Variants in ASXL1 observed in about 807,000 individuals in gnomAD.
ASXL1 encodes polycomb group protein ASXL1.
In ASXL1, 65 loss-of-function variants were observed where a neutral mutation model predicts 89.1. The observed-to-expected ratio is 0.73, with a 90% CI of 0.60 to 0.90. ASXL1 has a LOEUF of 0.90. Ranked by LOEUF, ASXL1 falls within the 40% of genes least tolerant of loss-of-function variation. The pLI is 0.00. For missense variants in ASXL1, 1,786 were observed against 1,942.9 expected (o/e 0.92, Z 1.52); for synonymous variants, 739 against 746.9 (o/e 0.99, Z 0.17).
chr20:32,387,891 T>C (rs1415107125), intron 4 of ASXL1, among the ~76,000 whole-genome samples: 2 of 152,244 alleles, frequency 1.3e-5, no homozygotes, highest in Non-Finnish European at 2.9e-5. Context: ...TGTTCCACCC[T>C]TGTGTTGGCT....
chr20:32,392,229 T>A (rs73243268), intron 4 of ASXL1, among the ~76,000 whole-genome samples: 1,530 of 151,894 alleles, frequency 0.01, 20 homozygotes, highest in African/African-American at 0.035. Context: ...GTCATCTCAC[T>A]GCAGTCTCCC....
At position 32,425,805 on chromosome 20, in the gene ASXL1, A is replaced by G. The variant is rs187492165; in HGVS notation, c.253-2323A>G. Among the ~76,000 whole-genome samples the G allele has an allele frequency of 1.2e-4, 19 of 152,056 alleles. No individual in the cohort carries two copies. In the East Asian group the frequency reaches 3.5e-3, roughly 28 times the overall value. ...CACTAACCTCTGCCTCCTTCGTTCAAGTGATTCTCCTGCCTCAGCCTCCCA... is the reference window on the plus strand; with the variant it reads ...CACTAACCTCTGCCTCCTTCGTTCAGGTGATTCTCCTGCCTCAGCCTCCCA... On this transcript the variant is annotated intron_variant, in intron 4 of 12. Coordinates refer to ENST00000375687, the MANE Select transcript of ASXL1 (RefSeq NM_015338.6).
At chr20:32,399,747 CTTTTTTTTTTT>C (rs369127811) in intron 4 of ASXL1, among the ~76,000 whole-genome samples, 6 of 73,888 alleles carry the variant, frequency 8.1e-5, no homozygotes, top group African/African-American at 2.7e-4. Context: ...ATATTTTACT[CTTTTTTTTTTT>C]TTTTTTTTTT....
At chr20:32,397,043 C>A (rs1256010448) in intron 4 of ASXL1, among the ~76,000 whole-genome samples, 3 of 144,980 alleles carry the variant, frequency 2.1e-5, no homozygotes, top group African/African-American at 7.6e-5. Flanking sequence ...TTTTTTTTTC[C>A]CTGTATTTTT....
At chr20:32,374,942 A>C (rs898266696) in intron 4 of ASXL1, among the ~76,000 whole-genome samples, 1 of 152,194 alleles carries the variant, frequency 6.6e-6, no homozygotes, top group Non-Finnish European at 1.5e-5. Flanking sequence ...TCCATTTTCC[A>C]TTACTTAGAA....
intron 1 of ASXL1, chr20:32,359,671 G>A: frequency 1.4e-6 from 1 of 717,786 alleles, no homozygotes; most frequent in South Asian, 1.5e-5. Flanking sequence ...AAGTATCTCT[G>A]TTGGGAGACG....
chr20:32,372,321 C>T (rs1314372257), intron 4 of ASXL1: 1 of 1,189,296 alleles, frequency 8.4e-7, no homozygotes, highest in African/African-American at 1.6e-5. Flanking sequence ...CTCATCTTAA[C>T]TGCCTTTGGC....
chr20:32,386,606 T>C (rs929585488), intron 4 of ASXL1, among the ~76,000 whole-genome samples: 2 of 151,906 alleles, frequency 1.3e-5, no homozygotes, highest in African/African-American at 2.4e-5. Context: ...TTATTAGAGA[T>C]GGGGTTTCGC....
At chr20:32,432,650 G>C in intron 10 of ASXL1, 1 of 494,110 alleles carries the variant, frequency 2.0e-6, no homozygotes. Context: ...AAATATGAAT[G>C]GTTCTTTTGT....
rs1414475265 is a variant in ASXL1, at chr20:32,432,920, A to C, written c.1020A>C (p.Glu340Asp). 1.2e-6 allele frequency: 2 copies of C among 1,614,028 alleles called. No homozygotes were observed. The highest frequency in any genetic ancestry group is 1.7e-6 in the Non-Finnish European group (2 of 1,179,992). ...AGATGCAAGTCAGGATACGACAGGA[A>C]ATGGAGAAGGAAAAGAAGGTGGAAC... ...THEMQVRIRQEMEKEKKVEQW... is the reference protein window; with the variant it reads ...THEMQVRIRQDMEKEKKVEQW... Residue 340 changes from glutamate to aspartate, a missense_variant, in exon 11 of 13, where the codon GAA (glutamate) becomes GAC (aspartate). Coordinates refer to ENST00000375687, the MANE Select transcript of ASXL1 (RefSeq NM_015338.6).
At chr20:32,402,384 T>C (rs1185291970) in intron 4 of ASXL1, among the ~76,000 whole-genome samples, 2 of 152,238 alleles carry the variant, frequency 1.3e-5, no homozygotes, top group East Asian at 3.8e-4. Flanking sequence ...TTGTTCCCAG[T>C]TTGGGGCTAT....
chr20:32,370,383 A>G (rs2048282208), intron 4 of ASXL1, among the ~76,000 whole-genome samples: 1 of 152,094 alleles, frequency 6.6e-6, no homozygotes, highest in Non-Finnish European at 1.5e-5. Context: ...GAAAGCAGCC[A>G]TACCCAAATG....
chr20:32,421,675 A>G (rs1437383064), intron 4 of ASXL1, among the ~76,000 whole-genome samples: 1 of 152,194 alleles, frequency 6.6e-6, no homozygotes, highest in Admixed American at 6.5e-5. Flanking sequence ...GTAATAACAA[A>G]TAATGAACTA....
Position 32,428,406 on chromosome 20 carries a change from A to C in ASXL1, c.455A>C (p.Tyr152Ser). 2 of 1,613,398 alleles carry C rather than the reference A, an allele frequency of 1.2e-6. No individual in the cohort carries two copies. The highest frequency in any genetic ancestry group is 8.5e-7 in the Non-Finnish European group (1 of 1,179,446). ...SRPLSNPRDS[Y>S]RASSQANKQK... ...CCTCTTTCCAATCCCAGGGACAGCT[A>C]CAGAGCTTCCTCACAGGTAAGGAAG... Residue 152 changes from tyrosine to serine, a missense_variant, in exon 6 of 13, where the codon TAC becomes TCC. Coordinates refer to ENST00000375687, the MANE Select transcript of ASXL1 (RefSeq NM_015338.6).
chr20:32,377,385 T>C (rs996327749), intron 4 of ASXL1, among the ~76,000 whole-genome samples: 1 of 151,888 alleles, frequency 6.6e-6, no homozygotes, highest in Non-Finnish European at 1.5e-5. Context: ...TTACCTATGA[T>C]TGTCAGGTTT....
intron 4 of ASXL1, among the ~76,000 whole-genome samples, chr20:32,415,536 A>G (rs1250577932): frequency 6.6e-6 from 1 of 152,184 alleles, no homozygotes; most frequent in African/African-American, 2.4e-5. Flanking sequence ...AGTTTGAAAC[A>G]GTTCTCCTGT....
At chr20:32,396,805 A>G (rs1293428838) in intron 4 of ASXL1, among the ~76,000 whole-genome samples, 1 of 152,106 alleles carries the variant, frequency 6.6e-6, no homozygotes, top group Non-Finnish European at 1.5e-5. Context: ...CTCAGTATAC[A>G]TATTTGTTTA....
At chr20:32,415,955 C>A (rs2049131242) in intron 4 of ASXL1, among the ~76,000 whole-genome samples, 1 of 151,986 alleles carries the variant, frequency 6.6e-6, no homozygotes, top group South Asian at 2.1e-4. Flanking sequence ...AAAAACAAAA[C>A]AAACCCTTAA....
intron 4 of ASXL1, among the ~76,000 whole-genome samples, chr20:32,399,973 G>A (rs2048844818): frequency 6.6e-6 from 1 of 151,796 alleles, no homozygotes; most frequent in Admixed American, 6.6e-5. Flanking sequence ...TGTTGGCCAG[G>A]CTGGTCTTGA....
Sources: allele counts gnomAD v4.1 joint callset (sites outside exome capture counted in the v4.1 genomes callset), GRCh38; gene constraint gnomAD v4.1.1; transcripts MANE v1.5; gene names NCBI Gene and HGNC (gene_info 2026-07-23, HGNC 2026-07-21).